Variants in EPHA5 observed in about 807,000 individuals in gnomAD.
EPHA5 encodes ephrin type-A receptor 5.
EPHA5 carries 60 observed loss-of-function variants against 105.0 expected under a neutral mutation model. The ratio of observed to expected loss-of-function variants is 0.57; its 90% CI spans 0.46 to 0.71. EPHA5 has a LOEUF of 0.71. EPHA5 is among the 30% of genes least tolerant of loss of function. The pLI is 0.00. For missense variants in EPHA5, 1,218 were observed against 1,274.7 expected (o/e 0.96, Z 0.68); for synonymous variants, 513 against 449.1 (o/e 1.14, Z -1.80).
intron 8 of EPHA5, among the ~76,000 whole-genome samples, chr4:65,397,350 C>G (rs11946346): frequency 0.029 from 4,389 of 152,196 alleles, 210 homozygotes; most frequent in African/African-American, 0.099. Context: ...ACATCTAACC[C>G]AATATTTTTC....
chr4:65,653,823 TATTA>T (rs1164175976), intron 1 of EPHA5, among the ~76,000 whole-genome samples: 1 of 152,138 alleles, frequency 6.6e-6, no homozygotes. Flanking sequence ...GTTTTATGCT[TATTA>T]ATTACTCATA....
intron 1 of EPHA5, among the ~76,000 whole-genome samples, chr4:65,668,293 A>G (rs1750129650): frequency 6.6e-6 from 1 of 152,046 alleles, no homozygotes; most frequent in Non-Finnish European, 1.5e-5. Flanking sequence ...GAGGACACAC[A>G]CGACTCCACC....
chr4:65,434,252 C>CT (rs1364055425), intron 5 of EPHA5, among the ~76,000 whole-genome samples: 7 of 152,026 alleles, frequency 4.6e-5, no homozygotes, highest in Non-Finnish European at 7.4e-5. Flanking sequence ...AGCAAAATTC[C>CT]TTTTTTCCAT....
chr4:65,532,425 G>C (rs1735892101), intron 3 of EPHA5, among the ~76,000 whole-genome samples: 1 of 151,734 alleles, frequency 6.6e-6, no homozygotes, highest in Admixed American at 6.6e-5. Context: ...CAGGTACCAG[G>C]TGTTATTAAC....
In EPHA5 at chr4:65,669,809, C is replaced by G. The variant is rs1750309868; in HGVS notation, c.-67G>C. On this transcript the variant is annotated 5_prime_UTR_variant, in exon 1 of 17. Transcript: ENST00000613740. ...AGTCCACCGCTTCGGCCTCGCAGAG[C>G]GGCGAAGGGAGACTCGGGAGTCCTC... is the stretch of plus-strand genomic sequence containing the variant. The G allele has an allele frequency of 4.1e-6, 5 of 1,233,968 alleles. No individual in the cohort carries two copies. The South Asian group carries it at 1.6e-4, about 40-fold the overall frequency. The allele number at this position is 1,233,968 out of a possible 1,614,324, so 76.4% of individuals were successfully genotyped here.
At chr4:65,590,017 T>G (rs1357782314) in intron 3 of EPHA5, among the ~76,000 whole-genome samples, 3 of 152,204 alleles carry the variant, frequency 2.0e-5, no homozygotes, top group Non-Finnish European at 4.4e-5. Context: ...TATGGAGTAG[T>G]GTATTGTGAT....
At chr4:65,662,649 G>T (rs1339575625) in intron 1 of EPHA5, among the ~76,000 whole-genome samples, 1 of 152,068 alleles carries the variant, frequency 6.6e-6, no homozygotes, top group Admixed American at 6.6e-5. Context: ...TTAGGCTGGG[G>T]TTTTATCTTC....
chr4:65,482,234 G>T (rs759468032), intron 5 of EPHA5, among the ~76,000 whole-genome samples: 2 of 114,888 alleles, frequency 1.7e-5, no homozygotes, highest in Non-Finnish European at 4.0e-5. Flanking sequence ...GGAGGCGGAG[G>T]TTACAGTGAG....
intron 2 of EPHA5, among the ~76,000 whole-genome samples, chr4:65,628,761 C>T (rs1356202693): frequency 1.3e-5 from 2 of 152,130 alleles, no homozygotes; most frequent in African/African-American, 4.8e-5. Flanking sequence ...TGTGAATAAT[C>T]TTGAATTATT....
chr4:65,443,538 G>C (rs1210659795), intron 5 of EPHA5, among the ~76,000 whole-genome samples: 1 of 152,036 alleles, frequency 6.6e-6, no homozygotes, highest in Non-Finnish European at 1.5e-5. Context: ...TCAGAAACAA[G>C]AAGCCTGGCT....
At chr4:65,480,240 G>A (rs1243484500) in intron 5 of EPHA5, among the ~76,000 whole-genome samples, 1 of 152,140 alleles carries the variant, frequency 6.6e-6, no homozygotes, top group Non-Finnish European at 1.5e-5. Flanking sequence ...ATTATAGGTA[G>A]AAATTTTCAT....
chr4:65,414,162 A>T lies in EPHA5; in HGVS notation c.1687+122T>A. ...CAGATGCTTCCTACCTGAAGGGGTC[A>T]TGCCTGGGAGAGAGAGAGGGAGAGT... On this transcript the variant is annotated intron_variant, in intron 7 of 16. Coordinates refer to ENST00000613740, the MANE Select transcript of EPHA5 (RefSeq NM_001281766.3). 6 of 869,288 alleles carry T rather than the reference A, an allele frequency of 6.9e-6. No homozygotes were observed. In the South Asian group the frequency reaches 7.9e-5, roughly 12 times the overall value. 53.8% of individuals were successfully genotyped at this position (869,288 alleles called of 1,614,324 possible). A position where few individuals can be genotyped will look rare whatever the true frequency, so the allele number is the denominator to read the frequency against.
chr4:65,450,512 A>G (rs181973956), intron 5 of EPHA5, among the ~76,000 whole-genome samples: 37 of 152,308 alleles, frequency 2.4e-4, no homozygotes, highest in African/African-American at 7.0e-4. Flanking sequence ...ATCCAGACCA[A>G]TGTAAAATCT....
intron 5 of EPHA5, among the ~76,000 whole-genome samples, chr4:65,436,530 A>T (rs1560534878): frequency 6.6e-6 from 1 of 152,010 alleles, no homozygotes; most frequent in Admixed American, 6.6e-5. Context: ...TACTGATGGA[A>T]CAATTCAGAG....
chr4:65,466,237 A>G (rs1271921592), intron 5 of EPHA5, among the ~76,000 whole-genome samples: 5 of 152,228 alleles, frequency 3.3e-5, no homozygotes. Flanking sequence ...AGTTGGGAGA[A>G]ATGTGGATAT....
chr4:65,536,793 GAATAA>G (rs1736335006), intron 3 of EPHA5, among the ~76,000 whole-genome samples: 1 of 150,856 alleles, frequency 6.6e-6, no homozygotes, highest in Admixed American at 6.6e-5. Flanking sequence ...GGTTTGGGAA[GAATAA>G]AATTATAAAA....
intron 3 of EPHA5, among the ~76,000 whole-genome samples, chr4:65,544,292 C>A (rs1050386284): frequency 1.3e-5 from 2 of 151,896 alleles, no homozygotes; most frequent in African/African-American, 2.4e-5. Flanking sequence ...AACAGGCAAC[C>A]TACAGAATGG....
chr4:65,599,461 A>G (rs1284522186), intron 3 of EPHA5, among the ~76,000 whole-genome samples: 2 of 152,072 alleles, frequency 1.3e-5, no homozygotes, highest in African/African-American at 4.8e-5. Context: ...AGCCCTCAAG[A>G]TGTATTTATT....
Position 65,489,046 on chromosome 4 carries a change from C to T in EPHA5, c.1402+1331G>A, listed in dbSNP as rs58292840. Among the ~76,000 whole-genome samples, 1,135 of 150,410 alleles carry T rather than the reference C, an allele frequency of 7.5e-3. 14 individuals carry two copies. Among genetic ancestry groups the T allele is most frequent in the African/African-American group, 0.026 (1,066 of 41,402 alleles). Reference sequence around the variant, plus strand: ...GACTACAGGCACCCACCACCATGCCCGGCTAATTTTTTTTATTATTATTTT... The same window carrying T: ...GACTACAGGCACCCACCACCATGCCTGGCTAATTTTTTTTATTATTATTTT... On this transcript the variant is annotated intron_variant, in intron 5 of 16. Coordinates refer to ENST00000613740, the MANE Select transcript of EPHA5 (RefSeq NM_001281766.3).
Sources: gnomAD v4.1 joint callset for allele counts (sites outside exome capture counted in the v4.1 genomes callset) on GRCh38, gnomAD v4.1.1 for gene constraint, MANE v1.5 for transcripts, NCBI Gene and HGNC (gene_info 2026-07-23, HGNC 2026-07-21) for gene names.